Variants in PRDM12 observed in about 807,000 individuals in gnomAD.
PRDM12 encodes PR/SET domain 12.
In PRDM12, 17 loss-of-function variants were observed where a neutral mutation model predicts 29.6. That is an observed-to-expected ratio of 0.57 (90% CI 0.39 to 0.86). The LOEUF is 0.86. PRDM12 is among the 40% of genes least tolerant of loss of function. The pLI, the probability that PRDM12 is intolerant of heterozygous loss-of-function variation, is 0.00. For missense variants in PRDM12, 422 were observed against 510.8 expected, an observed-to-expected ratio of 0.83 and a Z score of 1.68; for synonymous variants, 231 against 225.8, an observed-to-expected ratio of 1.02 and a Z score of -0.21.
chr9:130,671,962 A>G lies in PRDM12; in HGVS notation c.570+3649A>G, dbSNP rs371738168. On this transcript the variant is annotated intron_variant, in intron 3 of 4. Transcript: ENST00000253008. ...AAACTTTCCATAAATACAGAATAGC[A>G]GCCTTCTCAACAGAGACGAAGGCAA... Among the ~76,000 whole-genome samples the G allele has an allele frequency of 1.3e-4, 20 of 152,368 alleles. 3 individuals carry two copies. Among genetic ancestry groups the G allele is most frequent in the Admixed American group, 5.9e-4 (9 of 15,302 alleles).
intron 3 of PRDM12, among the ~76,000 whole-genome samples, chr9:130,674,389 T>A (rs531908793): frequency 2.9e-4 from 44 of 152,200 alleles, no homozygotes; most frequent in African/African-American, 1.0e-3. Flanking sequence ...CCTCAAGTGA[T>A]CTACCCACCT....
At chr9:130,672,062 C>T (rs1293755170) in intron 3 of PRDM12, among the ~76,000 whole-genome samples, 3 of 152,186 alleles carry the variant, frequency 2.0e-5, no homozygotes, top group East Asian at 3.8e-4. Flanking sequence ...ACTGATGTGG[C>T]CCCTGGGGAA....
intron 4 of PRDM12, among the ~76,000 whole-genome samples, chr9:130,680,634 A>ATATATATATATATATATATAT (rs1554753095): frequency 2.3e-5 from 2 of 88,494 alleles, no homozygotes; most frequent in African/African-American, 5.7e-5. Context: ...AAAAAAAAAA[A>ATATATATATATATATATATAT]ATATATATAT....
At chr9:130,667,991 G>A (rs1830749203) in intron 2 of PRDM12, among the ~76,000 whole-genome samples, 167 bp from the exon 3 acceptor site, 1 of 152,190 alleles carries the variant, frequency 6.6e-6, no homozygotes. Flanking sequence ...CTAGCTTCAG[G>A]CAAGTCCCTG....
intron 3 of PRDM12, among the ~76,000 whole-genome samples, chr9:130,676,248 T>C (rs908794996): frequency 7.9e-5 from 12 of 152,124 alleles, no homozygotes; most frequent in African/African-American, 2.9e-4. Context: ...CCCAGCAATT[T>C]GGGAGACCGA....
intron 3 of PRDM12, among the ~76,000 whole-genome samples, chr9:130,671,087 G>A (rs1830784766): frequency 6.6e-6 from 1 of 152,228 alleles, no homozygotes; most frequent in Non-Finnish European, 1.5e-5. Context: ...GCTCACGCCT[G>A]TAATCCCAGC....
chr9:130,666,623 C>T lies in PRDM12; in HGVS notation c.239C>T (p.Ser80Phe). 1.2e-6 allele frequency: 2 copies of T among 1,610,932 alleles called. No homozygotes were observed. The highest frequency in any genetic ancestry group is 1.7e-6 in the Non-Finnish European group (2 of 1,178,942). Residue 80 changes from serine to phenylalanine, a missense_variant, in exon 2 of 5, where the codon TCC (serine) becomes TTC (phenylalanine). Ser to Phe is a radical substitution (Grantham distance 155). Around this residue, in one of 5 missense-constraint regions of PRDM12, gnomAD observed 300 missense variants for 350.0 expected, o/e 0.86. Coordinates refer to ENST00000253008, the MANE Select transcript of PRDM12 (RefSeq NM_021619.3). Reference protein sequence around the residue: ...QSFSGEVQKLSSLVLPAEVII... With the variant: ...QSFSGEVQKLFSLVLPAEVII... ...GCCGCCGCAGAAGTGCAGAAGCTGT[C>T]CAGCCTGGTGCTGCCTGCGGAGGTG...
Position 130,681,602 on chromosome 9 carries a change from CGCT to C in PRDM12, c.1038_1040del (p.Leu347del), listed in dbSNP as rs1432976326. The C allele has an allele frequency of 1.1e-5, 10 of 945,018 alleles. No homozygotes were observed. The highest frequency in any genetic ancestry group is 1.2e-5 in the Non-Finnish European group (10 of 802,930). The allele number at this position is 945,018 out of a possible 1,614,324, so 58.5% of individuals were successfully genotyped here. On this transcript the variant is annotated inframe_deletion, in exon 5 of 5. Transcript: ENST00000253008. This position sits in a 1 kb window ranked among gnomAD's most constrained non-coding sequence, Gnocchi z 8.1. ...CCCGCCCCGCACGCGCACGCGCCCGCGCTCGCCGCCGCCGCCGCCGCCGCCGCC... is the reference window on the plus strand; with the variant it reads ...CCCGCCCCGCACGCGCACGCGCCCGCCGCCGCCGCCGCCGCCGCCGCCGCC...
At chr9:130,679,739 C>A (rs1266525390) in intron 4 of PRDM12, among the ~76,000 whole-genome samples, 1 of 152,178 alleles carries the variant, frequency 6.6e-6, no homozygotes, top group South Asian at 2.1e-4. Flanking sequence ...TGGTTCACTA[C>A]AGCCTCAACC....
chr9:130,678,925 G>A (rs778011946), intron 4 of PRDM12, among the ~76,000 whole-genome samples: 25 of 152,304 alleles, frequency 1.6e-4, no homozygotes, highest in Non-Finnish European at 3.1e-4. Flanking sequence ...AGGTGTGACA[G>A]GAGAAGAAAG....
chr9:130,680,940 C>T (rs1165254052), intron 4 of PRDM12, among the ~76,000 whole-genome samples: 1 of 151,894 alleles, frequency 6.6e-6, no homozygotes. Flanking sequence ...ATCGTACGCC[C>T]GAAAAGGCAG....
intron 3 of PRDM12, among the ~76,000 whole-genome samples, chr9:130,676,001 G>C (rs1830838702): frequency 6.6e-6 from 1 of 152,180 alleles, no homozygotes; most frequent in African/African-American, 2.4e-5. Flanking sequence ...CAGAAAGGCA[G>C]AGTGACTTGC....
At chr9:130,678,854 C>G (rs1192796293) in intron 4 of PRDM12, among the ~76,000 whole-genome samples, 1 of 152,104 alleles carries the variant, frequency 6.6e-6, no homozygotes, top group Non-Finnish European at 1.5e-5. Flanking sequence ...AGATGGTCCT[C>G]CTGCTTCCTG....
Position 130,668,443 on chromosome 9 carries a change from C to G in PRDM12, c.570+130C>G, listed in dbSNP as rs547634992. 23 of 1,430,380 alleles carry G rather than the reference C, an allele frequency of 1.6e-5. No individual in the cohort carries two copies. In the African/African-American group the frequency reaches 2.4e-4, roughly 15 times the overall value. The allele number at this position is 1,430,380 out of a possible 1,614,324, so 88.6% of individuals were successfully genotyped here. ...GCTGACACTGGCCTCGCTGGCTCTG[C>G]GCAGGCCATGGGGCTGTGGCAGACA... is the stretch of plus-strand genomic sequence containing the variant. On this transcript the variant is annotated intron_variant, in intron 3 of 4. Coordinates refer to ENST00000253008, the MANE Select transcript of PRDM12 (RefSeq NM_021619.3). This position sits in a 1 kb window ranked among gnomAD's most constrained non-coding sequence, Gnocchi z 4.0.
chr9:130,681,309 C>T lies in PRDM12; in HGVS notation c.744C>T (p.Cys248=), dbSNP rs1195681212. The T allele has an allele frequency of 9.1e-6, 14 of 1,539,486 alleles. No individual in the cohort carries two copies. The highest frequency in any genetic ancestry group is 1.2e-5 in the Non-Finnish European group (14 of 1,138,622). ...GPAGRMRCVI[C]HRGFNSRSNL... Reference sequence around the variant, plus strand: ...CGGGCCGCATGCGATGCGTCATCTGCCACCGCGGCTTCAACTCGCGCAGCA... The same window carrying T: ...CGGGCCGCATGCGATGCGTCATCTGTCACCGCGGCTTCAACTCGCGCAGCA... Residue 248 remains cysteine, a synonymous_variant, in exon 5 of 5, where the codon TGC becomes TGT. Coordinates refer to ENST00000253008, the MANE Select transcript of PRDM12 (RefSeq NM_021619.3). The surrounding 1 kb of genome is among the most constrained non-coding windows in gnomAD (Gnocchi z 8.1).
chr9:130,680,657 A>ATTTT (rs1399560598), intron 4 of PRDM12, among the ~76,000 whole-genome samples: 63 of 87,498 alleles, frequency 7.2e-4, no homozygotes, highest in Admixed American at 1.4e-3. Flanking sequence ...ATATATATAT[A>ATTTT]TATTTTTTTT....
At chr9:130,666,821 G>A (rs1260602848) in intron 2 of PRDM12, 23 bp downstream of exon 2, 27 of 1,568,466 alleles carry the variant, frequency 1.7e-5, no homozygotes, top group Non-Finnish European at 1.9e-5. Context: ...TGGGGCAGAG[G>A]GGCGCAAGGG....
chr9:130,677,545 C>T (rs1830854322), intron 3 of PRDM12, among the ~76,000 whole-genome samples: 1 of 152,218 alleles, frequency 6.6e-6, no homozygotes, highest in Non-Finnish European at 1.5e-5. Flanking sequence ...ATAGTGGCCC[C>T]CAGGGGAAGG....
Position 130,668,923 on chromosome 9 carries a change from G to A in PRDM12, c.570+610G>A, listed in dbSNP as rs567779569. ...CTGACCAGAAAACCAGGTCTCCCTCGGTGGCAGCAGACTTGGGGGTTTTGC... is the reference window on the plus strand; with the variant it reads ...CTGACCAGAAAACCAGGTCTCCCTCAGTGGCAGCAGACTTGGGGGTTTTGC... On this transcript the variant is annotated intron_variant, in intron 3 of 4. Transcript: ENST00000253008. This position sits in a 1 kb window ranked among gnomAD's most constrained non-coding sequence, Gnocchi z 4.0. Among the ~76,000 whole-genome samples the A allele has an allele frequency of 8.5e-5, 13 of 152,292 alleles. No homozygotes were observed. Among genetic ancestry groups the A allele is most frequent in the South Asian group, 2.1e-4 (1 of 4,830 alleles).
Sources: gnomAD v4.1 joint callset for allele counts (sites outside exome capture counted in the v4.1 genomes callset) on GRCh38, gnomAD v4.1.1 for gene constraint, gnomAD v4.1.1 regional missense constraint, Gnocchi (gnomAD v3.1) non-coding constraint, MANE v1.5 for transcripts, NCBI Gene and HGNC (gene_info 2026-07-23, HGNC 2026-07-21) for gene names.